CLTCL1: variants seen among roughly 807,000 people sequenced by gnomAD.
CLTCL1 encodes the protein clathrin heavy chain like 1, also known as clathrin heavy chain 2.
CLTCL1 carries 159 observed loss-of-function variants against 190.0 expected under a neutral mutation model. The observed-to-expected ratio is 0.84, with a 90% confidence interval of 0.74 to 0.95. The LOEUF is 0.95. CLTCL1 is among the 40% of genes least tolerant of loss of function. The probability of loss-of-function intolerance (pLI) is 0.00; values close to 1 mark genes in which losing one functional copy is unlikely to be tolerated. For synonymous variants in CLTCL1, 752 were observed against 769.6 expected (o/e 0.98, Z 0.38); for missense variants, 1,878 against 2,033.4 (o/e 0.92, Z 1.47).
intron 14 of CLTCL1, 143 bp from the exon 15 acceptor site, chr22:19,222,952 C>A (rs781999644): frequency 4.5e-5 from 44 of 987,636 alleles, no homozygotes; most frequent in Non-Finnish European, 5.6e-5. Flanking sequence ...TCTAAATAGG[C>A]TGTCGTTTTG....
intron 26 of CLTCL1, among the ~76,000 whole-genome samples, chr22:19,193,918 G>A (rs1202052772): frequency 4.6e-5 from 7 of 152,206 alleles, no homozygotes; most frequent in Non-Finnish European, 7.3e-5. Context: ...GACTGATTGT[G>A]AAAAGCAAAA....
intron 1 of CLTCL1, among the ~76,000 whole-genome samples, chr22:19,276,883 A>C (rs1053095234): frequency 2.0e-5 from 3 of 152,046 alleles, no homozygotes; most frequent in Non-Finnish European, 4.4e-5. Context: ...CGTGTTAGCC[A>C]GGATGGTCTC....
At position 19,216,210 on chromosome 22, in the gene CLTCL1, G is replaced by A. The variant is rs781858778; in HGVS notation, c.2966C>T (p.Ser989Leu). The change falls in exon 19 of 33, where the codon TCG becomes TTG. Residue 989 changes from serine (S) to leucine (L), a missense_variant. By Grantham distance (145) the Ser-to-Leu change is moderately radical. Coordinates refer to ENST00000427926, the MANE Select transcript of CLTCL1 (RefSeq NM_007098.4). ...LSETRDPEEI[S>L]VTVKAFMTAD... ...TGTCATAAAGGCTTTGACAGTGACC[G>A]AAATCTCTTCAGGATCCCGTGTTTC... The A allele has an allele frequency of 1.9e-5, 31 of 1,613,814 alleles. No homozygotes were observed. The Admixed American group carries it at 3.5e-4, about 18-fold the overall frequency.
intron 29 of CLTCL1, among the ~76,000 whole-genome samples, chr22:19,185,341 T>C (rs79586708): frequency 2.0e-5 from 3 of 151,214 alleles, no homozygotes; most frequent in South Asian, 2.1e-4. Context: ...TTTTTTTTTT[T>C]CTTGAGACGG....
intron 12 of CLTCL1, 32 bp from the exon 13 acceptor site, chr22:19,225,665 T>C (rs1569194947): frequency 3.9e-6 from 6 of 1,521,764 alleles, no homozygotes; most frequent in Non-Finnish European, 5.3e-6. Context: ...TCCACAACGA[T>C]GCACCACTCT....
At chr22:19,225,786 G>A (rs2145808132) in intron 12 of CLTCL1, among the ~76,000 whole-genome samples, 153 bp from the exon 13 acceptor site, 1 of 152,292 alleles carries the variant, frequency 6.6e-6, no homozygotes, top group East Asian at 1.9e-4. Flanking sequence ...TCCATCACGG[G>A]AAAAAGTAGG....
At chr22:19,256,207 G>A (rs1185423285) in intron 2 of CLTCL1, among the ~76,000 whole-genome samples, 1 of 151,916 alleles carries the variant, frequency 6.6e-6, no homozygotes, top group African/African-American at 2.4e-5. Flanking sequence ...ACCCAGGCTG[G>A]AGTACAGTGG....
chr22:19,256,490 G>A (rs984142746), intron 2 of CLTCL1, among the ~76,000 whole-genome samples: 3 of 150,842 alleles, frequency 2.0e-5, no homozygotes, highest in Non-Finnish European at 4.4e-5. Flanking sequence ...CCGAGTATCA[G>A]GGATTACAGG....
At chr22:19,201,569 G>C (rs2084887785) in intron 22 of CLTCL1, 76 bp from the exon 23 acceptor site, 4 of 1,434,754 alleles carry the variant, frequency 2.8e-6, no homozygotes, top group Non-Finnish European at 2.9e-6. Context: ...TAAGTTCCTA[G>C]ATGGCAGAGG....
At position 19,251,605 on chromosome 22, in the gene CLTCL1, C is replaced by A. The variant is rs528071686; in HGVS notation, c.519+2354G>T. Among the ~76,000 whole-genome samples the A allele has an allele frequency of 6.6e-5, 10 of 152,234 alleles. No homozygotes were observed. The South Asian group carries it at 2.1e-3, about 32-fold the overall frequency. On this transcript the variant is annotated intron_variant, in intron 3 of 32. Transcript: ENST00000427926. Reference sequence around the variant, plus strand: ...CCGAGTAGCTGGGACTACAGGCGCCCGCCACCGTGCCCGGCTAATTTTTTG... The same window carrying A: ...CCGAGTAGCTGGGACTACAGGCGCCAGCCACCGTGCCCGGCTAATTTTTTG...
chr22:19,201,321 C>T lies in CLTCL1; in HGVS notation c.3765+8G>A. 1.2e-6 allele frequency: 2 copies of T among 1,605,710 alleles called. No individual in the cohort carries two copies. The highest frequency in any genetic ancestry group is 1.7e-5 in the Admixed American group (1 of 58,656). On this transcript the variant is annotated splice_region_variant and intron_variant, in intron 23 of 32. Transcript: ENST00000427926. ...ACACTCTGCCGTCTGCAGTTGCCCGCAGCTCACCTCCTTCCACGTCCGGGT... is the reference window on the plus strand; with the variant it reads ...ACACTCTGCCGTCTGCAGTTGCCCGTAGCTCACCTCCTTCCACGTCCGGGT...
chr22:19,286,826 T>C (rs376976031), intron 1 of CLTCL1, among the ~76,000 whole-genome samples: 2 of 152,198 alleles, frequency 1.3e-5, no homozygotes, highest in African/African-American at 4.8e-5. Context: ...AGCAGAAATA[T>C]GTTTAAGGCT....
chr22:19,232,710 A>G, intron 9 of CLTCL1, 112 bp from the exon 10 acceptor site: 1 of 1,365,568 alleles, frequency 7.3e-7, no homozygotes, highest in Non-Finnish European at 9.9e-7. Flanking sequence ...ATGAGCAGCA[A>G]CATTATCATG....
chr22:19,234,314 C>T (rs2086009841), intron 7 of CLTCL1, among the ~76,000 whole-genome samples, 195 bp downstream of exon 7: 1 of 152,174 alleles, frequency 6.6e-6, no homozygotes, highest in Non-Finnish European at 1.5e-5. Context: ...TGAAGAAGTG[C>T]CGATGCAGCA....
At chr22:19,271,958 C>G (rs1243873651) in intron 2 of CLTCL1, among the ~76,000 whole-genome samples, 1 of 152,060 alleles carries the variant, frequency 6.6e-6, no homozygotes, top group Non-Finnish European at 1.5e-5. Context: ...AATGTTTAAA[C>G]ATTAGCTGGG....
At chr22:19,207,517 C>T in intron 22 of CLTCL1, 1 of 401,604 alleles carries the variant, frequency 2.5e-6, no homozygotes, top group Non-Finnish European at 4.4e-6. Flanking sequence ...AGGTTACTTA[C>T]TTCCTCGTGT....
intron 22 of CLTCL1, among the ~76,000 whole-genome samples, chr22:19,203,552 C>T (rs1193853558): frequency 1.3e-5 from 2 of 152,150 alleles, no homozygotes; most frequent in Non-Finnish European, 2.9e-5. Context: ...TTCTGGACAC[C>T]CCTGCCTGCT....
At position 19,225,570 on chromosome 22, in the gene CLTCL1, G is replaced by T; in HGVS notation, c.2011C>A (p.Leu671Met). The T allele has an allele frequency of 6.3e-7, 1 of 1,583,954 alleles. No homozygotes were observed. The highest frequency in any genetic ancestry group is 8.6e-7 in the Non-Finnish European group (1 of 1,164,984). Residue 671 changes from leucine (L) to methionine (M), a missense_variant, in exon 13 of 33, where the codon CTG (leucine) becomes ATG (methionine). Leu to Met is a conservative substitution (Grantham distance 15, BLOSUM62 2). Coordinates refer to ENST00000427926, the MANE Select transcript of CLTCL1 (RefSeq NM_007098.4). ...EDSVECLHAMLSANIRQNLQL... is the reference protein window; with the variant it reads ...EDSVECLHAMMSANIRQNLQL... ...AGGTTCTGTCTGATGTTAGCAGACA[G>T]CATGGCATGCAGACACTCCACAGAA...
In CLTCL1 at chr22:19,188,035, G is replaced by A. The variant is rs2084371301; in HGVS notation, c.4380C>T (p.Asn1460=). 1 of 1,613,896 alleles carries A rather than the reference G, an allele frequency of 6.2e-7. No homozygotes were observed. Among genetic ancestry groups the A allele is most frequent in the Admixed American group, 1.7e-5 (1 of 59,996 alleles). The part of the protein sequence containing the change: ...PYLRSVQSHN[N]KSVNEALNHL... ...GGTTGAGTGCCTCATTCACACTCTT[G>A]TTGTTGTGGCTCTGGACTGACCGCA... The change falls in exon 28 of 33, where the codon AAC becomes AAT. Residue 1460 remains asparagine, a synonymous_variant. Transcript: ENST00000427926.
Sources: gnomAD v4.1 joint callset for allele counts (sites outside exome capture counted in the v4.1 genomes callset) on GRCh38, gnomAD v4.1.1 for gene constraint, MANE v1.5 for transcripts, NCBI Gene and HGNC (gene_info 2026-07-23, HGNC 2026-07-21) for gene names.